The following SDAD1 variants were observed in gnomAD, a reference collection of about 807,000 sequenced individuals.
SDAD1 encodes the protein protein SDA1 homolog.
In SDAD1, 79 loss-of-function variants were observed where a neutral mutation model predicts 100.3. That is an observed-to-expected ratio of 0.79 (90% CI 0.66 to 0.95). SDAD1 has a LOEUF of 0.95. Ranked by LOEUF, SDAD1 falls within the 40% of genes least tolerant of loss-of-function variation. SDAD1 has a pLI of 0.00. For synonymous variants in SDAD1, 267 were observed against 271.4 expected (o/e 0.98, Z 0.16); for missense variants, 790 against 810.9 (o/e 0.97, Z 0.31).
chr4:75,973,334 T>C lies in SDAD1; in HGVS notation c.694A>G (p.Ser232Gly), dbSNP rs1487949450. The change falls in exon 8 of 22, where the codon AGT becomes GGT. Residue 232 changes from serine to glycine, a missense_variant. Physicochemically the swap from Ser to Gly is moderately conservative, Grantham distance 56. Coordinates refer to ENST00000356260, the MANE Select transcript of SDAD1 (RefSeq NM_018115.4). Reference sequence around the variant, plus strand: ...AAACTAACCTCAGATTCGGAGTCACTGTCCTGTTTTTCATCTTCATCTTTC... The same window carrying C: ...AAACTAACCTCAGATTCGGAGTCACCGTCCTGTTTTTCATCTTCATCTTTC... ...LGKDEDEKQD[S>G]DSESEDDGPT... The C allele has an allele frequency of 3.7e-6, 6 of 1,613,352 alleles. No individual in the cohort carries two copies. Among genetic ancestry groups the C allele is most frequent in the Non-Finnish European group, 5.1e-6 (6 of 1,179,564 alleles).
intron 17 of SDAD1, among the ~76,000 whole-genome samples, chr4:75,958,311 C>G (rs1729021387): frequency 6.6e-6 from 1 of 152,178 alleles, no homozygotes; most frequent in Non-Finnish European, 1.5e-5. Context: ...TTCAACTAAA[C>G]CAACTGTGTC....
At chr4:75,979,896 C>G (rs1730400049) in intron 3 of SDAD1, among the ~76,000 whole-genome samples, 1 of 151,894 alleles carries the variant, frequency 6.6e-6, no homozygotes, top group Admixed American at 6.6e-5. Context: ...AGTGGCTATT[C>G]ACAGGCATGC....
intron 1 of SDAD1, among the ~76,000 whole-genome samples, chr4:75,983,666 T>A (rs1000896140): frequency 2.0e-5 from 3 of 152,152 alleles, no homozygotes; most frequent in Non-Finnish European, 4.4e-5. Context: ...TTGTTTAAGT[T>A]CCTTGTAGAT....
chr4:75,988,255 C>T (rs939563402), intron 1 of SDAD1, among the ~76,000 whole-genome samples: 1 of 152,160 alleles, frequency 6.6e-6, no homozygotes. Flanking sequence ...CCTGTAAAGG[C>T]TTCCATCTCA....
intron 1 of SDAD1, among the ~76,000 whole-genome samples, chr4:75,982,587 T>G (rs1045506865): frequency 6.6e-6 from 1 of 152,082 alleles, no homozygotes; most frequent in African/African-American, 2.4e-5. Context: ...AGGTTGAGAC[T>G]GCAGTGAGCT....
chr4:75,972,580 T>C (rs1024071773), intron 8 of SDAD1, among the ~76,000 whole-genome samples: 17 of 152,042 alleles, frequency 1.1e-4, no homozygotes, highest in Admixed American at 4.6e-4. Context: ...ATTAGTCATA[T>C]ACTGTTTAAA....
At chr4:75,975,092 A>T (rs915056398) in intron 6 of SDAD1, among the ~76,000 whole-genome samples, 1 of 151,974 alleles carries the variant, frequency 6.6e-6, no homozygotes, top group East Asian at 1.9e-4. Context: ...TGTAATACAG[A>T]AAAATTTCAA....
At chr4:75,967,149 G>C (rs1430443908) in intron 12 of SDAD1, 128 bp downstream of exon 12, 1 of 800,386 alleles carries the variant, frequency 1.2e-6, no homozygotes, top group Non-Finnish European at 2.0e-6. Context: ...AAGAAAACAA[G>C]GGCTTCTCTT....
intron 2 of SDAD1, 52 bp downstream of exon 2, chr4:75,981,881 T>C: frequency 8.1e-7 from 1 of 1,229,780 alleles, no homozygotes; most frequent in Non-Finnish European, 1.2e-6. Flanking sequence ...GAAAAAACAT[T>C]CAGCAAACTG....
intron 9 of SDAD1, 57 bp downstream of exon 9, chr4:75,971,300 G>T: frequency 1.7e-6 from 2 of 1,193,744 alleles, no homozygotes; most frequent in South Asian, 2.6e-5. Context: ...TCTGGCTAAC[G>T]ACAACATATT....
In SDAD1 at chr4:75,956,024, T is replaced by A. The variant is rs755683472; in HGVS notation, c.1967A>T (p.Tyr656Phe). Residue 656 changes from tyrosine to phenylalanine, a missense_variant, in exon 21 of 22, where the codon TAT (tyrosine) becomes TTT (phenylalanine). By Grantham distance (22) the Tyr-to-Phe change is conservative. Transcript: ENST00000356260. ...ATTTTTTGACCGGACATTCTGGCTA[T>A]ACCGCATCATCATAAAGTTCTTCTG... ...KKQKNFMMMR[Y>F]SQNVRSKNKR... The A allele has an allele frequency of 6.2e-7, 1 of 1,611,920 alleles. No individual in the cohort carries two copies. Among genetic ancestry groups the A allele is most frequent in the South Asian group, 1.1e-5 (1 of 90,432 alleles).
At chr4:75,990,535 G>A (rs535759413) in intron 1 of SDAD1, among the ~76,000 whole-genome samples, 1 of 152,176 alleles carries the variant, frequency 6.6e-6, no homozygotes, top group Non-Finnish European at 1.5e-5. Context: ...CAGCAGGGCA[G>A]GTAGAAAATC....
Position 75,977,720 on chromosome 4 carries a change from T to A in SDAD1, c.331A>T (p.Asn111Tyr). ...CKALILLRNK[N>Y]LINPSSLLEL... ...AGCAGGCTTGATGGATTGATGAGAT[T>A]CTTATTTCTCAGCAAGATCAAAGCT... Residue 111 changes from asparagine (N) to tyrosine (Y), a missense_variant, in exon 4 of 22, where the codon AAT (asparagine) becomes TAT (tyrosine). Physicochemically the swap from Asn to Tyr is moderately radical, Grantham distance 143 (BLOSUM62 -2). Transcript: ENST00000356260. The A allele has an allele frequency of 6.2e-7, 1 of 1,613,094 alleles. No homozygotes were observed. Among genetic ancestry groups the A allele is most frequent in the Non-Finnish European group, 8.5e-7 (1 of 1,179,552 alleles).
Position 75,968,527 on chromosome 4 carries a change from A to G in SDAD1, c.987+769T>C, listed in dbSNP as rs1344351523. ...TTTCTACAATGGCATCTAGTCTAAC[A>G]GTATGTGTAAAGTTCCCATATATAT... On this transcript the variant is annotated intron_variant, in intron 11 of 21. Coordinates refer to ENST00000356260, the MANE Select transcript of SDAD1 (RefSeq NM_018115.4). Among the ~76,000 whole-genome samples, 3 of 152,156 alleles carry G rather than the reference A, an allele frequency of 2.0e-5. No homozygotes were observed. In the East Asian group the frequency reaches 5.8e-4, roughly 29 times the overall value.
chr4:75,960,216 A>G (rs1173324412), intron 16 of SDAD1, 24 bp from the exon 17 acceptor site: 1 of 1,550,452 alleles, frequency 6.4e-7, no homozygotes, highest in African/African-American at 1.4e-5. Context: ...AATTGTTTGT[A>G]ATAAGTTGCT....
chr4:75,962,260 A>T (rs922679472), intron 14 of SDAD1, among the ~76,000 whole-genome samples: 1 of 152,182 alleles, frequency 6.6e-6, no homozygotes, highest in African/African-American at 2.4e-5. Flanking sequence ...AGTATTCCAT[A>T]GCGTATATGT....
In SDAD1 at chr4:75,977,752, A is replaced by T. The variant is rs1730236706; in HGVS notation, c.299T>A (p.Phe100Tyr). Residue 100 changes from phenylalanine to tyrosine, a missense_variant, in exon 4 of 22, where the codon TTT (phenylalanine) becomes TAT (tyrosine). Physicochemically the swap from Phe to Tyr is conservative, Grantham distance 22 (BLOSUM62 3). Coordinates refer to ENST00000356260, the MANE Select transcript of SDAD1 (RefSeq NM_018115.4). ...TVLDPDLRMT[F>Y]CKALILLRNK... ...TCTCAGCAAGATCAAAGCTTTGCAA[A>T]ATGTCTCGGGAAGGAAAAAAACATA... 2 of 1,600,958 alleles carry T rather than the reference A, an allele frequency of 1.2e-6. No individual in the cohort carries two copies. The highest frequency in any genetic ancestry group is 4.5e-5 in the East Asian group (2 of 44,784).
chr4:75,989,456 TTACTG>T (rs1456653514), intron 1 of SDAD1, among the ~76,000 whole-genome samples: 1 of 152,236 alleles, frequency 6.6e-6, no homozygotes, highest in Non-Finnish European at 1.5e-5. Context: ...GTCTTATTCA[TTACTG>T]TACCCCAACG....
At position 75,973,407 on chromosome 4, in the gene SDAD1, A is replaced by G. The variant is rs1476443021; in HGVS notation, c.637-16T>C. On this transcript the variant is annotated splice_polypyrimidine_tract_variant and intron_variant, in intron 7 of 21. Coordinates refer to ENST00000356260, the MANE Select transcript of SDAD1 (RefSeq NM_018115.4). ...CAACTAATATCTAAACACCAATGAG[A>G]AAAAAGTCAGCTACTTGATTCAGCT... The G allele has an allele frequency of 2.5e-6, 4 of 1,592,022 alleles. No individual in the cohort carries two copies. In the Admixed American group the frequency reaches 5.0e-5, roughly 20 times the overall value.
Sources: allele counts gnomAD v4.1 joint callset (sites outside exome capture counted in the v4.1 genomes callset), GRCh38; gene constraint gnomAD v4.1.1; transcripts MANE v1.5; gene names NCBI Gene and HGNC (gene_info 2026-07-23, HGNC 2026-07-21).